Variants in NHLRC2 observed in about 807,000 individuals in gnomAD.
The protein encoded by NHLRC2 is NHL repeat containing 2.
In NHLRC2, 33 loss-of-function variants were observed where a neutral mutation model predicts 68.1. The ratio of observed to expected loss-of-function variants is 0.48; its 90% CI spans 0.37 to 0.65. The LOEUF (loss-of-function observed/expected upper bound fraction) is 0.65, where lower values mean the gene tolerates loss of function less well. Ranked by LOEUF, NHLRC2 falls within the 30% of genes least tolerant of loss-of-function variation. The pLI is 0.00. For synonymous variants in NHLRC2, 311 were observed against 309.6 expected (o/e 1.00, Z -0.05); for missense variants, 761 against 853.8 (o/e 0.89, Z 1.35).
At chr10:113,898,687 C>G (rs1013719778) in intron 6 of NHLRC2, among the ~76,000 whole-genome samples, 2 of 152,140 alleles carry the variant, frequency 1.3e-5, no homozygotes, top group African/African-American at 4.8e-5. Context: ...TGAACTATCT[C>G]TAATCATTCA....
At position 113,910,121 on chromosome 10, in the gene NHLRC2, C is replaced by T. The variant is rs1486711391; in HGVS notation, c.*1585C>T. 3.9e-5 allele frequency: 6 copies of T among 152,168 alleles called. No homozygotes were observed. Among genetic ancestry groups the T allele is most frequent in the Admixed American group, 2.0e-4 (3 of 15,272 alleles). The allele number at this position is 152,168 out of a possible 1,614,324, so 9.4% of individuals were successfully genotyped here. A position where few individuals can be genotyped will look rare whatever the true frequency, so the allele number is the denominator to read the frequency against. Reference sequence around the variant, plus strand: ...TAATTACCTCATAAACCTTTTCTCTCCACAAGCAATCAAAAAAATGAAATG... The same window carrying T: ...TAATTACCTCATAAACCTTTTCTCTTCACAAGCAATCAAAAAAATGAAATG... On this transcript the variant is annotated 3_prime_UTR_variant, in exon 11 of 11. Coordinates refer to ENST00000369301, the MANE Select transcript of NHLRC2 (RefSeq NM_198514.4).
At chr10:113,882,375 T>C (rs1846042869) in intron 4 of NHLRC2, among the ~76,000 whole-genome samples, 1 of 151,792 alleles carries the variant, frequency 6.6e-6, no homozygotes, top group South Asian at 2.1e-4. Context: ...ATTTTTCATT[T>C]TTTAAAAATT....
intron 3 of NHLRC2, among the ~76,000 whole-genome samples, chr10:113,878,784 C>G (rs1051760181): frequency 6.6e-6 from 1 of 152,134 alleles, no homozygotes; most frequent in Non-Finnish European, 1.5e-5. Context: ...CTGCCTCGGC[C>G]TCCCAAAGTG....
In NHLRC2 at chr10:113,902,607, G is replaced by A. The variant is rs777286786; in HGVS notation, c.1494+14G>A. The A allele has an allele frequency of 1.4e-5, 22 of 1,596,000 alleles. No individual in the cohort carries two copies. The highest frequency in any genetic ancestry group is 1.9e-5 in the Non-Finnish European group (22 of 1,174,274). Reference sequence around the variant, plus strand: ...TACAATCACAAGGTGAGTCGTGACAGAATTATATAATATCTTGCTTTTTGT... The same window carrying A: ...TACAATCACAAGGTGAGTCGTGACAAAATTATATAATATCTTGCTTTTTGT... On this transcript the variant is annotated intron_variant, in intron 8 of 10. Transcript: ENST00000369301.
intron 4 of NHLRC2, 99 bp downstream of exon 4, chr10:113,879,794 T>C: frequency 1.3e-6 from 1 of 743,540 alleles, no homozygotes; most frequent in Non-Finnish European, 2.1e-6. Context: ...TTCTTATGTA[T>C]GTCAATGTCC....
chr10:113,861,555 G>T (rs1845817098), intron 2 of NHLRC2, among the ~76,000 whole-genome samples: 1 of 152,160 alleles, frequency 6.6e-6, no homozygotes. Flanking sequence ...TCTATGACTG[G>T]CAAACTGTCC....
chr10:113,865,168 C>A (rs1226945199), intron 2 of NHLRC2, among the ~76,000 whole-genome samples: 1 of 151,954 alleles, frequency 6.6e-6, no homozygotes, highest in Non-Finnish European at 1.5e-5. Context: ...CCAGGATGGT[C>A]TCGATCTTCT....
chr10:113,868,513 C>T (rs2134696916), intron 2 of NHLRC2, among the ~76,000 whole-genome samples: 1 of 152,302 alleles, frequency 6.6e-6, no homozygotes, highest in Non-Finnish European at 1.5e-5. Context: ...ATATAGATCT[C>T]CTATTTGGAC....
At chr10:113,902,229 T>C (rs1846235486) in intron 7 of NHLRC2, among the ~76,000 whole-genome samples, 1 of 152,178 alleles carries the variant, frequency 6.6e-6, no homozygotes, top group South Asian at 2.1e-4. Flanking sequence ...ACTTGACCTA[T>C]TCCTGACCAG....
chr10:113,880,614 TA>T (rs1340152821), intron 4 of NHLRC2, among the ~76,000 whole-genome samples: 3 of 151,922 alleles, frequency 2.0e-5, no homozygotes, highest in African/African-American at 7.2e-5. Context: ...TATTTGACAA[TA>T]TTTTCACTTA....
At chr10:113,885,283 C>T (rs562033103) in intron 5 of NHLRC2, among the ~76,000 whole-genome samples, 15 of 151,798 alleles carry the variant, frequency 9.9e-5, no homozygotes, top group Non-Finnish European at 1.6e-4. Flanking sequence ...TAGTACTACC[C>T]GCACTTAACA....
chr10:113,868,337 C>T (rs559961766), intron 2 of NHLRC2, among the ~76,000 whole-genome samples: 2 of 152,222 alleles, frequency 1.3e-5, no homozygotes, highest in East Asian at 3.9e-4. Context: ...TAATTTTGAT[C>T]CCTATGTTGG....
intron 3 of NHLRC2, among the ~76,000 whole-genome samples, chr10:113,877,531 A>G (rs1845995653): frequency 6.6e-6 from 1 of 152,268 alleles, no homozygotes; most frequent in Non-Finnish European, 1.5e-5. Flanking sequence ...GAGTATGAGT[A>G]TCATGCAAGC....
intron 2 of NHLRC2, among the ~76,000 whole-genome samples, chr10:113,863,679 A>G (rs1343729554): frequency 6.6e-6 from 1 of 152,152 alleles, no homozygotes; most frequent in Non-Finnish European, 1.5e-5. Flanking sequence ...CAACCAACCA[A>G]AAGTTGGTTC....
chr10:113,865,281 TCC>T (rs762900102), intron 2 of NHLRC2, among the ~76,000 whole-genome samples: 4 of 109,280 alleles, frequency 3.7e-5, no homozygotes, highest in African/African-American at 1.4e-4. Flanking sequence ...TCGCTTTTCA[TCC>T]CCCCCCCCCG....
At chr10:113,887,646 G>T (rs551335978) in intron 5 of NHLRC2, among the ~76,000 whole-genome samples, 1 of 152,066 alleles carries the variant, frequency 6.6e-6, no homozygotes, top group Non-Finnish European at 1.5e-5. Context: ...GTAGATGCCT[G>T]TAAAAATCCT....
At position 113,915,539 on chromosome 10, in the gene NHLRC2, A is replaced by G. The variant is rs1846375058; in HGVS notation, c.*7003A>G. The G allele has an allele frequency of 3.8e-6, 1 of 265,232 alleles. No homozygotes were observed. Among genetic ancestry groups the G allele is most frequent in the Non-Finnish European group, 7.4e-6 (1 of 135,546 alleles). The allele number at this position is 265,232 out of a possible 1,614,324, so 16.4% of individuals were successfully genotyped here. A position where few individuals can be genotyped will look rare whatever the true frequency, so the allele number is the denominator to read the frequency against. On this transcript the variant is annotated 3_prime_UTR_variant, in exon 11 of 11. Coordinates refer to ENST00000369301, the MANE Select transcript of NHLRC2 (RefSeq NM_198514.4). ...ACCTGGTTATCTATTTCCATTTGAAATAAAATGAAAGGAGACCTCAAACTG... is the reference window on the plus strand; with the variant it reads ...ACCTGGTTATCTATTTCCATTTGAAGTAAAATGAAAGGAGACCTCAAACTG...
intron 10 of NHLRC2, among the ~76,000 whole-genome samples, chr10:113,906,867 C>T (rs922567396): frequency 2.6e-5 from 4 of 152,128 alleles, no homozygotes; most frequent in South Asian, 2.1e-4. Context: ...GGGGTAGTCC[C>T]AGCTACTCAG....
At chr10:113,895,367 T>C (rs774820932) in intron 5 of NHLRC2, among the ~76,000 whole-genome samples, 8 of 152,280 alleles carry the variant, frequency 5.3e-5, no homozygotes, top group Non-Finnish European at 8.8e-5. Context: ...GACCTTATGC[T>C]CAGTAGAGGA....
Sources: gnomAD v4.1 joint callset for allele counts (sites outside exome capture counted in the v4.1 genomes callset) on GRCh38, gnomAD v4.1.1 for gene constraint, MANE v1.5 for transcripts, NCBI Gene and HGNC (gene_info 2026-07-23, HGNC 2026-07-21) for gene names.